The following CPLANE1 variants were observed in gnomAD, a reference collection of about 807,000 sequenced individuals.
The protein encoded by CPLANE1 is ciliogenesis and planar polarity effector complex subunit 1.
CPLANE1 carries 263 observed loss-of-function variants against 362.5 expected under a neutral mutation model. That is an observed-to-expected ratio of 0.73 (90% confidence interval 0.66 to 0.80). The LOEUF is 0.80. Ranked by LOEUF, CPLANE1 falls within the 30% of genes least tolerant of loss-of-function variation. The pLI is 0.00. For missense variants in CPLANE1, 3,461 were observed against 3,793.4 expected (o/e 0.91, Z 2.30); for synonymous variants, 1,212 against 1,302.6 (o/e 0.93, Z 1.50).
intron 18 of CPLANE1, among the ~76,000 whole-genome samples, chr5:37,204,960 C>T (rs1169340824): frequency 1.3e-5 from 2 of 152,254 alleles, no homozygotes; most frequent in African/African-American, 2.4e-5. Context: ...AGTTTGAGAC[C>T]AGCCTGGCCA....
At chr5:37,093,713 A>G in the CPLANE1 span, among the ~76,000 whole-genome samples, 1 of 152,240 alleles carries the variant, frequency 6.6e-6, no homozygotes, top group Admixed American at 6.5e-5. Context: ...TGCTGCATAC[A>G]TCTGCACTCT....
intron 42 of CPLANE1, 43 bp from the exon 43 acceptor site, chr5:37,148,311 A>G (rs1420891563): frequency 1.5e-6 from 2 of 1,352,534 alleles, no homozygotes. Flanking sequence ...TAATACTTTG[A>G]TAATTTCAAA....
intron 51 of CPLANE1, among the ~76,000 whole-genome samples, 167 bp downstream of exon 51, chr5:37,114,793 G>T (rs1418839550): frequency 6.6e-6 from 1 of 151,956 alleles, no homozygotes; most frequent in East Asian, 1.9e-4. Context: ...CCAGCTACTG[G>T]GAAGCCTGAG....
At chr5:37,122,862 C>CTG (rs1763056904) in intron 47 of CPLANE1, among the ~76,000 whole-genome samples, 1 of 151,998 alleles carries the variant, frequency 6.6e-6, no homozygotes, top group Non-Finnish European at 1.5e-5. Context: ...GCCTGGGCAA[C>CTG]AGAGCAAGGC....
the CPLANE1 span, among the ~76,000 whole-genome samples, chr5:37,087,663 A>G: frequency 6.6e-6 from 1 of 152,092 alleles, no homozygotes; most frequent in African/African-American, 2.4e-5. Flanking sequence ...TCACCATGTT[A>G]GCCAGGATGG....
chr5:37,213,625 T>G lies in CPLANE1; in HGVS notation c.2854A>C (p.Asn952His). The G allele has an allele frequency of 5.2e-6, 8 of 1,548,210 alleles. No homozygotes were observed. Among genetic ancestry groups the G allele is most frequent in the Non-Finnish European group, 7.0e-6 (8 of 1,144,776 alleles). ...GGGGGCAAAATGCAAAGCTGCTGAT[T>G]GGTGAAATAGGCAGCCATGAAACGA... ...MARFMAAYFT[N>H]QQLCILPPHH... Residue 952 changes from asparagine to histidine, a missense_variant, in exon 16 of 53, where the codon AAT (asparagine) becomes CAT (histidine). By Grantham distance (68) the Asn-to-His change is moderately conservative. Around this residue, in one of 2 missense-constraint regions of CPLANE1, gnomAD observed 3,380 missense variants for 3,666.1 expected, o/e 0.92. Transcript: ENST00000651892.
At chr5:37,088,495 C>A in the CPLANE1 span, among the ~76,000 whole-genome samples, 21 of 152,312 alleles carry the variant, frequency 1.4e-4, no homozygotes, top group South Asian at 3.9e-3. Context: ...CAAGGTAATT[C>A]AGGGAAAGAA....
rs201122718 is a variant in CPLANE1 at position 37,153,938 on chromosome 5, T to G, written c.8175A>C (p.Ala2725=). 2.8e-4 allele frequency: 452 copies of G among 1,614,132 alleles called. 2 individuals are homozygous for G. In the Middle Eastern group the frequency reaches 8.7e-3, roughly 31 times the overall value. The change falls in exon 42 of 53, where the codon GCA becomes GCC. Residue 2725 remains alanine (A), a synonymous_variant. Transcript: ENST00000651892. Reference sequence around the variant, plus strand: ...GCCGTTTCCACAATAGATAATCTTCTGCAGAGTCTGACTTTGTGCTCTGTC... The same window carrying G: ...GCCGTTTCCACAATAGATAATCTTCGGCAGAGTCTGACTTTGTGCTCTGTC... ...FKGQSTKSDS[A]EDYLLWKRLQ...
chr5:37,210,984 G>C, intron 16 of CPLANE1: 1 of 786,088 alleles, frequency 1.3e-6, no homozygotes, highest in East Asian at 2.4e-5. Flanking sequence ...TCAGGTTGCC[G>C]ATTTAAAATC....
chr5:37,183,658 G>C lies in CPLANE1; in HGVS notation c.4523C>G (p.Pro1508Arg). ...ATTACACATTTTCCTTTTATCAGTT[G>C]GCTTATGAATTGATGTTAATTCCAT... Reference protein sequence around the residue: ...NHMELTSIHKPTDKRKMCNQK... With the variant: ...NHMELTSIHKRTDKRKMCNQK... Residue 1508 changes from proline (P) to arginine (R), a missense_variant, in exon 26 of 53, where the codon CCA becomes CGA. Pro to Arg is a moderately radical substitution (Grantham distance 103). Around this residue, in one of 2 missense-constraint regions of CPLANE1, gnomAD observed 3,380 missense variants for 3,666.1 expected, o/e 0.92. Transcript: ENST00000651892. The C allele has an allele frequency of 1.9e-6, 3 of 1,607,058 alleles. No individual in the cohort carries two copies. Among genetic ancestry groups the C allele is most frequent in the Non-Finnish European group, 2.5e-6 (3 of 1,178,012 alleles).
In CPLANE1 at chr5:37,224,598, A is replaced by G; in HGVS notation, c.2434T>C (p.Leu812=). ...ASTVKSLLCH[L]QANLQSTGDC... ...CCAGTACTCTGTAGGTTAGCCTGCA[A>G]ATGACATAACAGGGACTTGACAGTA... The change falls in exon 13 of 53, where the codon TTG becomes CTG. Residue 812 remains leucine, a synonymous_variant. Coordinates refer to ENST00000651892, the MANE Select transcript of CPLANE1 (RefSeq NM_001384732.1). 6.4e-7 allele frequency: 1 copy of G among 1,551,486 alleles called. No individual in the cohort carries two copies. The highest frequency in any genetic ancestry group is 2.4e-5 in the East Asian group (1 of 40,854).
At chr5:37,088,147 T>A in the CPLANE1 span, among the ~76,000 whole-genome samples, 1 of 152,180 alleles carries the variant, frequency 6.6e-6, no homozygotes, top group South Asian at 2.1e-4. Context: ...TTCGTAAATG[T>A]TTGACAAGGG....
At chr5:37,222,951 C>G (rs1795673192) in intron 14 of CPLANE1, among the ~76,000 whole-genome samples, 1 of 152,154 alleles carries the variant, frequency 6.6e-6, no homozygotes, top group Non-Finnish European at 1.5e-5. Context: ...TTCTAAACAG[C>G]CTATTCTTAT....
rs56407367 is a variant in CPLANE1, at chr5:37,171,745, ACTCTCTCT to A, written c.6172-1422_6172-1415del. On this transcript the variant is annotated intron_variant, in intron 32 of 52. Transcript: ENST00000651892. ...TTAGTATATTTCCTTTCTCTAGCTTACTCTCTCTCTCTCTCTCTCTCTCTCTCTCTCTC... is the reference window on the plus strand; with the variant it reads ...TTAGTATATTTCCTTTCTCTAGCTTACTCTCTCTCTCTCTCTCTCTCTCTC... 2.7e-3 allele frequency among the ~76,000 whole-genome samples: 347 copies of A among 128,374 alleles called. 1 individual carries two copies. Among genetic ancestry groups the A allele is most frequent in the African/African-American group, 4.2e-3 (149 of 35,442 alleles). The allele number at this position is 128,374 out of a possible 152,430, so 84.2% of individuals were successfully genotyped here.
chr5:37,164,963 G>A (rs974475960), intron 36 of CPLANE1, among the ~76,000 whole-genome samples: 2 of 152,002 alleles, frequency 1.3e-5, no homozygotes, highest in African/African-American at 4.8e-5. Flanking sequence ...TTAATTAGCT[G>A]GGCATGGTGG....
the CPLANE1 span, among the ~76,000 whole-genome samples, chr5:37,098,102 A>G: frequency 6.6e-6 from 1 of 151,918 alleles, no homozygotes; most frequent in East Asian, 1.9e-4. Flanking sequence ...TTTAAAACCT[A>G]CTCACAGCAG....
chr5:37,108,255 G>C (rs1758099640), intron 52 of CPLANE1, 38 bp downstream of exon 52: 2 of 1,554,020 alleles, frequency 1.3e-6, no homozygotes, highest in Non-Finnish European at 1.8e-6. Context: ...AGAACATAGA[G>C]CAATCACTAG....
At chr5:37,115,759 G>T (rs989648668) in intron 50 of CPLANE1, among the ~76,000 whole-genome samples, 9 of 151,442 alleles carry the variant, frequency 5.9e-5, no homozygotes, top group African/African-American at 2.2e-4. Context: ...ACCATGCCTG[G>T]CTACTTTTTT....
intron 9 of CPLANE1, among the ~76,000 whole-genome samples, chr5:37,228,060 TTATC>T (rs1796842729): frequency 1.3e-5 from 2 of 152,270 alleles, no homozygotes; most frequent in South Asian, 4.2e-4. Context: ...TATTTTGTAT[TTATC>T]TACATACAAC....
Sources: gnomAD v4.1 joint callset for allele counts (sites outside exome capture counted in the v4.1 genomes callset) on GRCh38, gnomAD v4.1.1 for gene constraint, gnomAD v4.1.1 regional missense constraint, MANE v1.5 for transcripts, NCBI Gene and HGNC (gene_info 2026-07-23, HGNC 2026-07-21) for gene names.